STK32B: variants seen among roughly 807,000 people sequenced by gnomAD.
STK32B encodes the protein serine/threonine kinase 32B.
In STK32B, 43 loss-of-function variants were observed where a neutral mutation model predicts 52.6. The ratio of observed to expected loss-of-function variants is 0.82; its 90% CI spans 0.64 to 1.05. STK32B has a LOEUF of 1.05. Ranked by LOEUF, STK32B falls within the 50% of genes least tolerant of loss-of-function variation. The pLI, the probability that STK32B is intolerant of heterozygous loss-of-function variation, is 0.00. For synonymous variants in STK32B, 238 were observed against 204.3 expected, an observed-to-expected ratio of 1.17 and a Z score of -1.41; for missense variants, 621 against 534.6, an observed-to-expected ratio of 1.16 and a Z score of -1.59.
intron 1 of STK32B, among the ~76,000 whole-genome samples, chr4:5,137,334 G>T (rs1423970202): frequency 6.6e-6 from 1 of 152,200 alleles, no homozygotes; most frequent in Non-Finnish European, 1.5e-5. Context: ...CAGAAGAGAG[G>T]CCACTCCCTA....
chr4:5,343,280 C>T (rs13140620), intron 4 of STK32B, among the ~76,000 whole-genome samples: 37,349 of 151,812 alleles, frequency 0.25, 6,253 homozygotes, highest in African/African-American at 0.48. Flanking sequence ...GACATGACCT[C>T]ATCATTTTTT....
At chr4:5,108,360 G>C (rs1205654951) in intron 1 of STK32B, among the ~76,000 whole-genome samples, 1 of 151,922 alleles carries the variant, frequency 6.6e-6, no homozygotes, top group African/African-American at 2.4e-5. Context: ...ACAGTTTTTT[G>C]GATATTCATT....
At chr4:5,385,018 T>A (rs1736153794) in intron 4 of STK32B, among the ~76,000 whole-genome samples, 1 of 151,846 alleles carries the variant, frequency 6.6e-6, no homozygotes, top group Admixed American at 6.6e-5. Context: ...TGACCAGGAG[T>A]GAAACCCTCG....
intron 3 of STK32B, among the ~76,000 whole-genome samples, chr4:5,251,552 A>T (rs147794718): frequency 9.1e-4 from 138 of 152,176 alleles, no homozygotes; most frequent in Non-Finnish European, 8.1e-4. Context: ...AGTATTCCTT[A>T]GTTATTCAGG....
intron 2 of STK32B, among the ~76,000 whole-genome samples, chr4:5,144,358 C>T (rs1178341482): frequency 6.6e-6 from 1 of 152,144 alleles, no homozygotes; most frequent in Non-Finnish European, 1.5e-5. Flanking sequence ...ACCTGATATT[C>T]AATAAATGTT....
At chr4:5,040,218 ATGTT>A in the STK32B span, among the ~76,000 whole-genome samples, 1 of 152,164 alleles carries the variant, frequency 6.6e-6, no homozygotes, top group Non-Finnish European at 1.5e-5. Context: ...CTGGAGGTGT[ATGTT>A]CTATTTGTAA....
intron 3 of STK32B, among the ~76,000 whole-genome samples, chr4:5,245,761 A>G (rs1725402336): frequency 6.6e-6 from 1 of 152,282 alleles, no homozygotes; most frequent in South Asian, 2.1e-4. Context: ...CTTTTAGGGC[A>G]GGCCTGGTGG....
Position 5,159,590 on chromosome 4 carries a change from TATATATGAATATATATATGA to T in STK32B, c.109-8702_109-8683del, listed in dbSNP as rs1560185860. 5.4e-3 allele frequency among the ~76,000 whole-genome samples: 657 copies of T among 122,738 alleles called. 87 individuals are homozygous for T. The highest frequency in any genetic ancestry group is 0.02 in the African/African-American group (541 of 26,588). The allele number at this position is 122,738 out of a possible 152,430, so 80.5% of individuals were successfully genotyped here. ...GAATATATATGAATATATATATGAA[TATATATGAATATATATATGA>T]ATATATATGAATATATATGAATATA... On this transcript the variant is annotated intron_variant, in intron 2 of 11. Coordinates refer to ENST00000282908, the MANE Select transcript of STK32B (RefSeq NM_018401.3).
At chr4:5,484,663 G>A (rs1357379127) in intron 11 of STK32B, among the ~76,000 whole-genome samples, 2 of 152,118 alleles carry the variant, frequency 1.3e-5, no homozygotes, top group Non-Finnish European at 2.9e-5. Context: ...CTCGTTAGTT[G>A]ATGCAGTTTC....
the STK32B span, among the ~76,000 whole-genome samples, chr4:5,025,416 C>G: frequency 6.6e-6 from 1 of 152,192 alleles, no homozygotes; most frequent in African/African-American, 2.4e-5. Context: ...GCTTAACTCT[C>G]ATTTTTGGCT....
the STK32B span, among the ~76,000 whole-genome samples, chr4:5,037,077 T>G: frequency 6.6e-6 from 1 of 152,210 alleles, no homozygotes; most frequent in African/African-American, 2.4e-5. Context: ...CTATTGACCC[T>G]ATTGACACTT....
chr4:5,288,195 G>A (rs6813139), intron 3 of STK32B, among the ~76,000 whole-genome samples: 36,107 of 152,056 alleles, frequency 0.24, 9,497 homozygotes, highest in African/African-American at 0.65. Flanking sequence ...TAATGCTACT[G>A]GGAATATTTG....
At chr4:5,318,498 A>G (rs1474246293) in intron 3 of STK32B, among the ~76,000 whole-genome samples, 2 of 152,176 alleles carry the variant, frequency 1.3e-5, no homozygotes, top group African/African-American at 4.8e-5. Flanking sequence ...GCAAGATAAA[A>G]TGAAATTGGA....
At chr4:5,147,150 C>A in intron 2 of STK32B, among the ~76,000 whole-genome samples, 1 of 151,794 alleles carries the variant, frequency 6.6e-6, no homozygotes, top group East Asian at 1.9e-4. Flanking sequence ...TAATGTTTTT[C>A]CCAAATAGTT....
intron 3 of STK32B, among the ~76,000 whole-genome samples, chr4:5,288,126 G>A (rs1027170714): frequency 7.9e-5 from 12 of 152,060 alleles, no homozygotes; most frequent in Admixed American, 3.9e-4. Flanking sequence ...TCCGTTTTAT[G>A]GATCTACCAT....
intron 3 of STK32B, among the ~76,000 whole-genome samples, chr4:5,325,660 A>C (rs557785645): frequency 6.6e-6 from 1 of 152,330 alleles, no homozygotes; most frequent in South Asian, 2.1e-4. Context: ...TTCTATTGCA[A>C]TAGCCAGGCC....
At chr4:5,236,188 C>T (rs1241792485) in intron 3 of STK32B, among the ~76,000 whole-genome samples, 1 of 152,154 alleles carries the variant, frequency 6.6e-6, no homozygotes, top group African/African-American at 2.4e-5. Flanking sequence ...CACTGAGCTC[C>T]ATGTGTCTCC....
At chr4:5,384,193 T>C (rs887985574) in intron 4 of STK32B, among the ~76,000 whole-genome samples, 1 of 151,324 alleles carries the variant, frequency 6.6e-6, no homozygotes, top group Non-Finnish European at 1.5e-5. Context: ...CCTTTGAGAG[T>C]ACCTGGGTTT....
chr4:5,038,977 ATTTC>A, the STK32B span, among the ~76,000 whole-genome samples: 5 of 145,090 alleles, frequency 3.4e-5, no homozygotes, highest in African/African-American at 1.0e-4. Flanking sequence ...GCTATACAAA[ATTTC>A]TTTCTTTTTT....
Sources: gnomAD v4.1 joint callset for allele counts (sites outside exome capture counted in the v4.1 genomes callset) on GRCh38, gnomAD v4.1.1 for gene constraint, MANE v1.5 for transcripts, NCBI Gene and HGNC (gene_info 2026-07-23, HGNC 2026-07-21) for gene names.